Variants in ATP8A2 observed in about 807,000 individuals in gnomAD.
The protein encoded by ATP8A2 is ATPase phospholipid transporting 8A2, also known as phospholipid-transporting ATPase IB.
A neutral mutation model predicts 165.6 loss-of-function variants in ATP8A2; 100 were observed. The observed-to-expected ratio is 0.60, with a 90% CI of 0.51 to 0.71. The LOEUF is 0.71. Among genes scored for constraint, ATP8A2 ranks in the 30% least tolerant of loss-of-function variants. ATP8A2 has a pLI of 0.00. For missense variants in ATP8A2, 1,227 were observed against 1,479.5 expected (o/e 0.83, Z 2.80); for synonymous variants, 543 against 548.8 (o/e 0.99, Z 0.15).
At chr13:25,394,563 C>A (rs1351948535) in intron 1 of ATP8A2, among the ~76,000 whole-genome samples, 1 of 152,168 alleles carries the variant, frequency 6.6e-6, no homozygotes, top group Non-Finnish European at 1.5e-5. Context: ...CGGCAGAGAC[C>A]AATTGCTGGC....
At chr13:25,727,699 T>G (rs17082705) in intron 25 of ATP8A2, among the ~76,000 whole-genome samples, 9,814 of 152,266 alleles carry the variant, frequency 0.064, 979 homozygotes, top group African/African-American at 0.21. Context: ...TAAACGTAAT[T>G]GTAGATTAAC....
chr13:25,569,970 T>C (rs931555310), intron 16 of ATP8A2, among the ~76,000 whole-genome samples: 1 of 152,184 alleles, frequency 6.6e-6, no homozygotes, highest in Non-Finnish European at 1.5e-5. Flanking sequence ...TTTTAATACA[T>C]AGGAAGACAC....
At chr13:25,704,600 T>G (rs1490310136) in intron 25 of ATP8A2, among the ~76,000 whole-genome samples, 1 of 152,118 alleles carries the variant, frequency 6.6e-6, no homozygotes, top group Non-Finnish European at 1.5e-5. Context: ...CCTCCCAAAG[T>G]GCTGAGATTA....
chr13:25,682,088 AAAAGC>A (rs1354749100), intron 24 of ATP8A2, among the ~76,000 whole-genome samples: 1 of 152,164 alleles, frequency 6.6e-6, no homozygotes. Flanking sequence ...ATAGTGGAAG[AAAAGC>A]AAAATTTAAA....
intron 1 of ATP8A2, among the ~76,000 whole-genome samples, chr13:25,419,077 G>A (rs972361346): frequency 1.2e-4 from 19 of 152,256 alleles, no homozygotes; most frequent in Non-Finnish European, 2.2e-4. Context: ...GTGTGTCTGC[G>A]TGCATGTGTG....
At position 25,840,226 on chromosome 13, in the gene ATP8A2, G is replaced by C. The variant is rs527640385; in HGVS notation, c.2956+602G>C. On this transcript the variant is annotated intron_variant, in intron 30 of 36. Coordinates refer to ENST00000381655, the MANE Select transcript of ATP8A2 (RefSeq NM_016529.6). ...CACATCCAGAACGTGGCCTCCTAAA[G>C]AGACATATTTTTATTCTCAGAAAAT... is the stretch of plus-strand genomic sequence containing the variant. Among the ~76,000 whole-genome samples, 5 of 152,190 alleles carry C rather than the reference G, an allele frequency of 3.3e-5. No homozygotes were observed. The East Asian group carries it at 9.7e-4, about 29-fold the overall frequency.
At chr13:25,902,939 G>GCACACACACACACACACACACACACACA (rs3221410) in intron 33 of ATP8A2, among the ~76,000 whole-genome samples, 1 of 140,442 alleles carries the variant, frequency 7.1e-6, no homozygotes, top group Non-Finnish European at 1.5e-5. Context: ...TCCTCAGCAT[G>GCACACACACACACACACACACACACACA]CACACACACA....
chr13:25,693,367 C>G (rs1418433518), intron 24 of ATP8A2, among the ~76,000 whole-genome samples: 1 of 152,124 alleles, frequency 6.6e-6, no homozygotes, highest in African/African-American at 2.4e-5. Flanking sequence ...TGGGTTTGAT[C>G]AAAGATTATT....
intron 27 of ATP8A2, among the ~76,000 whole-genome samples, chr13:25,805,019 C>A (rs1950699821): frequency 6.6e-6 from 1 of 152,134 alleles, no homozygotes; most frequent in South Asian, 2.1e-4. Flanking sequence ...CATTCAGTTG[C>A]CAGCTTCTGT....
At chr13:25,825,674 C>CA (rs2138589362) in intron 27 of ATP8A2, among the ~76,000 whole-genome samples, 1 of 152,246 alleles carries the variant, frequency 6.6e-6, no homozygotes, top group South Asian at 2.1e-4. Context: ...TCCAGGCTCT[C>CA]ATTGCACTAA....
At chr13:25,597,181 T>C (rs1022554093) in intron 24 of ATP8A2, among the ~76,000 whole-genome samples, 1 of 152,238 alleles carries the variant, frequency 6.6e-6, no homozygotes, top group Non-Finnish European at 1.5e-5. Flanking sequence ...CATAGATGTC[T>C]GTTGCAAATT....
At chr13:25,751,691 C>T (rs2044156502) in intron 25 of ATP8A2, among the ~76,000 whole-genome samples, 1 of 152,130 alleles carries the variant, frequency 6.6e-6, no homozygotes, top group African/African-American at 2.4e-5. Flanking sequence ...CCACCTAAGC[C>T]CAGGAGTTTG....
intron 35 of ATP8A2, among the ~76,000 whole-genome samples, chr13:25,976,858 A>C (rs1472901569): frequency 1.3e-5 from 2 of 152,078 alleles, no homozygotes; most frequent in Non-Finnish European, 2.9e-5. Flanking sequence ...GTGCGACCTC[A>C]GCTCGCTGCA....
chr13:25,656,132 A>T (rs903000943), intron 24 of ATP8A2, among the ~76,000 whole-genome samples: 1 of 152,132 alleles, frequency 6.6e-6, no homozygotes, highest in Admixed American at 6.5e-5. Context: ...TAAAATATGG[A>T]CACCATCAGT....
intron 24 of ATP8A2, among the ~76,000 whole-genome samples, chr13:25,690,779 G>A (rs1332963757): frequency 1.3e-5 from 2 of 152,118 alleles, no homozygotes; most frequent in African/African-American, 4.8e-5. Flanking sequence ...GTTTCTGGAA[G>A]GTTAAACATG....
At chr13:25,974,295 T>C (rs746726023) in intron 35 of ATP8A2, among the ~76,000 whole-genome samples, 2 of 152,222 alleles carry the variant, frequency 1.3e-5, no homozygotes, top group Non-Finnish European at 2.9e-5. Flanking sequence ...CAAGTACATT[T>C]CACTGGCCGT....
intron 27 of ATP8A2, among the ~76,000 whole-genome samples, chr13:25,787,511 G>A (rs1487929485): frequency 1.3e-5 from 2 of 152,214 alleles, no homozygotes; most frequent in African/African-American, 4.8e-5. Context: ...TAATGCCTCT[G>A]TACACACTCA....
At chr13:25,778,286 C>T (rs1187915689) in intron 27 of ATP8A2, among the ~76,000 whole-genome samples, 1 of 152,156 alleles carries the variant, frequency 6.6e-6, no homozygotes, top group Non-Finnish European at 1.5e-5. Context: ...CACATGCTTA[C>T]GTATTTTTAT....
intron 33 of ATP8A2, among the ~76,000 whole-genome samples, chr13:25,910,873 G>T (rs529311698): frequency 2.6e-5 from 4 of 151,648 alleles, no homozygotes; most frequent in Admixed American, 1.3e-4. Flanking sequence ...TGTTAAGTCC[G>T]CCTGAGAGAT....
Sources: allele counts gnomAD v4.1 joint callset (sites outside exome capture counted in the v4.1 genomes callset), GRCh38; gene constraint gnomAD v4.1.1; transcripts MANE v1.5; gene names NCBI Gene and HGNC (gene_info 2026-07-23, HGNC 2026-07-21).